The following RORC variants were observed in gnomAD, a reference collection of about 807,000 sequenced individuals.
The protein encoded by RORC is nuclear receptor ROR-gamma.
A neutral mutation model predicts 64.5 loss-of-function variants in RORC; 13 were observed. That is an observed-to-expected ratio of 0.20 (90% CI 0.13 to 0.32). The LOEUF (loss-of-function observed/expected upper bound fraction) is 0.32, where lower values mean the gene tolerates loss of function less well. Among genes scored for constraint, RORC ranks in the 10% least tolerant of loss-of-function variants. RORC has a pLI of 1.00. For missense variants in RORC, 468 were observed against 669.5 expected (o/e 0.70, Z 3.32); for synonymous variants, 277 against 259.3 (o/e 1.07, Z -0.65).
chr1:151,831,026 G>A, intron 1 of RORC: 1 of 1,289,338 alleles, frequency 7.8e-7, no homozygotes, highest in Non-Finnish European at 1.0e-6. Flanking sequence ...CAAGCCTGTG[G>A]CCCTGCGATC....
Position 151,816,735 on chromosome 1 carries a change from T to A in RORC, c.227A>T (p.Asp76Val). 6.3e-7 allele frequency: 1 copy of A among 1,598,666 alleles called. No individual in the cohort carries two copies. The highest frequency in any genetic ancestry group is 8.5e-7 in the Non-Finnish European group (1 of 1,172,446). Residue 76 changes from aspartate (D) to valine (V), a missense_variant, in exon 4 of 11, where the codon GAC becomes GTC. This residue lies in a region of RORC where 241 missense variants were observed against 295.5 expected (regional missense o/e 0.82). Coordinates refer to ENST00000318247, the MANE Select transcript of RORC (RefSeq NM_005060.4). ...SCTRQQNCPI[D>V]RTSRNRCQHC... ...CTGGCATCGGTTTCGGCTGGTGCGG[T>A]CGATGGGGCAGTTCTGCTGACGGGT...
intron 6 of RORC, chr1:151,813,857 A>T (rs1216149414): frequency 1.5e-5 from 8 of 521,696 alleles, no homozygotes; most frequent in South Asian, 4.8e-5. Context: ...GAATCCAAAA[A>T]GTATGAGATA....
intron 10 of RORC, among the ~76,000 whole-genome samples, chr1:151,809,414 A>AAAC (rs774011696): frequency 6.6e-6 from 1 of 152,006 alleles, no homozygotes; most frequent in Non-Finnish European, 1.5e-5. Flanking sequence ...CAGAACAAAC[A>AAAC]AACAACAACA....
rs548474421 is a variant in RORC, at chr1:151,809,650, G to A, written c.1395+1675C>T. Among the ~76,000 whole-genome samples, 8 of 152,186 alleles carry A rather than the reference G, an allele frequency of 5.3e-5. No individual in the cohort carries two copies. The East Asian group carries it at 1.5e-3, about 29-fold the overall frequency. On this transcript the variant is annotated intron_variant, in intron 10 of 10. Coordinates refer to ENST00000318247, the MANE Select transcript of RORC (RefSeq NM_005060.4). Reference sequence around the variant, plus strand: ...ATGTATTTTGAAAGCAGATCCAACCGGATGTGCTTTCCAATTGCTCTCCCA... The same window carrying A: ...ATGTATTTTGAAAGCAGATCCAACCAGATGTGCTTTCCAATTGCTCTCCCA...
chr1:151,831,413 G>A (rs74948431), intron 1 of RORC, among the ~76,000 whole-genome samples: 6,357 of 152,140 alleles, frequency 0.042, 196 homozygotes, highest in Middle Eastern at 0.068. Flanking sequence ...CTGACCCCTC[G>A]CTGGGTCTAG....
At chr1:151,814,104 C>T (rs1299626523) in intron 6 of RORC, 1 of 176,554 alleles carries the variant, frequency 5.7e-6, no homozygotes, top group African/African-American at 2.4e-5. Context: ...TTTGAGGAAA[C>T]CTATTAACCC....
At chr1:151,824,313 T>A (rs1206122261) in intron 2 of RORC, among the ~76,000 whole-genome samples, 1 of 151,716 alleles carries the variant, frequency 6.6e-6, no homozygotes, top group Non-Finnish European at 1.5e-5. Context: ...GTGGTGGGGG[T>A]GGGAATAATG....
At chr1:151,811,224 GCA>G (rs1215872081) in intron 10 of RORC, 99 bp downstream of exon 10, 1 of 662,964 alleles carries the variant, frequency 1.5e-6, no homozygotes, top group African/African-American at 1.8e-5. Flanking sequence ...TGGTACTCCC[GCA>G]CTCCCTCCTC....
intron 1 of RORC, among the ~76,000 whole-genome samples, chr1:151,831,354 C>T (rs1046334672): frequency 2.0e-5 from 3 of 152,154 alleles, no homozygotes; most frequent in African/African-American, 7.2e-5. Context: ...AGCAGTGTCC[C>T]TGTGCCTCCT....
At chr1:151,826,565 C>G (rs757843193) in intron 2 of RORC, among the ~76,000 whole-genome samples, 1 of 152,220 alleles carries the variant, frequency 6.6e-6, no homozygotes, top group Non-Finnish European at 1.5e-5. Context: ...CCCATGCCCA[C>G]GCTCCTCCCT....
At chr1:151,816,316 TACA>T (rs2101660758) in intron 4 of RORC, among the ~76,000 whole-genome samples, 1 of 152,256 alleles carries the variant, frequency 6.6e-6, no homozygotes, top group African/African-American at 2.4e-5. Flanking sequence ...GAGCTAGAAC[TACA>T]ACAACAGGGT....
intron 4 of RORC, among the ~76,000 whole-genome samples, chr1:151,816,368 A>T (rs997704638): frequency 2.6e-5 from 4 of 152,242 alleles, no homozygotes; most frequent in African/African-American, 9.6e-5. Flanking sequence ...GAGCTGGGCC[A>T]GAGGGCAGCA....
chr1:151,814,733 C>T (rs200750242), intron 5 of RORC, 38 bp from the exon 6 acceptor site: 3 of 1,590,808 alleles, frequency 1.9e-6, no homozygotes, highest in Admixed American at 1.7e-5. Flanking sequence ...TGATCTCAGC[C>T]AGCTCCTACG....
At chr1:151,813,190 C>G in intron 8 of RORC, 49 bp downstream of exon 8, 1 of 1,564,928 alleles carries the variant, frequency 6.4e-7, no homozygotes, top group Non-Finnish European at 8.8e-7. Context: ...CAAAGCTTTG[C>G]CTGGGGTTGG....
chr1:151,826,671 C>T (rs1356118168), intron 2 of RORC, among the ~76,000 whole-genome samples: 1 of 152,154 alleles, frequency 6.6e-6, no homozygotes, highest in Non-Finnish European at 1.5e-5. Context: ...AGAAGGAAAC[C>T]AGAAATTTCC....
At chr1:151,813,100 G>A (rs1558164335) in intron 8 of RORC, 43 bp from the exon 9 acceptor site, 5 of 1,515,550 alleles carry the variant, frequency 3.3e-6, no homozygotes, top group South Asian at 2.3e-5. Context: ...TGGCTGGAGC[G>A]ATGGTGCCCG....
At chr1:151,816,590 G>T in intron 4 of RORC, 74 bp downstream of exon 4, 4 of 1,460,524 alleles carry the variant, frequency 2.7e-6, no homozygotes, top group Middle Eastern at 2.4e-4. Flanking sequence ...GTTAAGCCTT[G>T]TCTAGCTCAG....
intron 10 of RORC, among the ~76,000 whole-genome samples, chr1:151,809,944 T>G (rs1182066734): frequency 2.0e-5 from 3 of 151,458 alleles, no homozygotes; most frequent in African/African-American, 4.8e-5. Flanking sequence ...TATATGGCAT[T>G]GAAAGTCCTC....
intron 10 of RORC, among the ~76,000 whole-genome samples, chr1:151,809,309 G>A (rs1483285056): frequency 3.3e-5 from 5 of 152,134 alleles, no homozygotes; most frequent in South Asian, 4.2e-4. Flanking sequence ...CAGGACAATC[G>A]CTTGAACCTG....
Sources: allele counts gnomAD v4.1 joint callset (sites outside exome capture counted in the v4.1 genomes callset), GRCh38; gene constraint gnomAD v4.1.1; regional missense constraint gnomAD v4.1.1; transcripts MANE v1.5; gene names NCBI Gene and HGNC (gene_info 2026-07-23, HGNC 2026-07-21).